Variants in GPR39 observed in about 807,000 individuals in gnomAD.
The protein encoded by GPR39 is zinc sensing receptor.
GPR39 carries 23 observed loss-of-function variants against 18.4 expected under a neutral mutation model. The ratio of observed to expected loss-of-function variants is 1.25; its 90% confidence interval spans 0.90 to 1.77. The LOEUF (loss-of-function observed/expected upper bound fraction) is 1.77, where lower values mean the gene tolerates loss of function less well. Among genes scored for constraint, GPR39 ranks in the 40% most tolerant of loss-of-function variants. GPR39 has a pLI of 0.00. For synonymous variants in GPR39, 280 were observed against 257.9 expected, an observed-to-expected ratio of 1.09 and a Z score of -0.82; for missense variants, 647 against 602.4, an observed-to-expected ratio of 1.07 and a Z score of -0.78.
rs765352030 is a variant in GPR39 at position 132,645,616 on chromosome 2, G to T, written c.*10G>T. ...GGAGCATGAAGTTTGAATGTCAAGCGAGGGAGCCTTGAGTGGGAACTGGCC... is the reference window on the plus strand; with the variant it reads ...GGAGCATGAAGTTTGAATGTCAAGCTAGGGAGCCTTGAGTGGGAACTGGCC... On this transcript the variant is annotated 3_prime_UTR_variant, in exon 2 of 2. Transcript: ENST00000329321. 4 of 1,604,424 alleles carry T rather than the reference G, an allele frequency of 2.5e-6. No homozygotes were observed. The Admixed American group carries it at 6.8e-5, about 27-fold the overall frequency.
At chr2:132,514,033 G>C (rs1057475734) in intron 1 of GPR39, among the ~76,000 whole-genome samples, 2 of 151,996 alleles carry the variant, frequency 1.3e-5, no homozygotes, top group Non-Finnish European at 2.9e-5. Context: ...TTTTCAAGAT[G>C]GCCTCTGGGG....
chr2:132,524,853 T>G (rs1679481649), intron 1 of GPR39, among the ~76,000 whole-genome samples: 1 of 152,224 alleles, frequency 6.6e-6, no homozygotes, highest in Non-Finnish European at 1.5e-5. Context: ...ATTTTATTAT[T>G]TTCTAGTGAA....
intron 1 of GPR39, among the ~76,000 whole-genome samples, chr2:132,620,505 A>G (rs1191654003): frequency 3.9e-5 from 6 of 152,164 alleles, no homozygotes; most frequent in Non-Finnish European, 8.8e-5. Flanking sequence ...CCTGCCCCAC[A>G]GCCCCTGTGT....
chr2:132,512,319 A>C (rs1317498355), intron 1 of GPR39, among the ~76,000 whole-genome samples: 1 of 152,152 alleles, frequency 6.6e-6, no homozygotes, highest in Non-Finnish European at 1.5e-5. Flanking sequence ...CAGGTCAGTC[A>C]TGGGGAAAGT....
At chr2:132,441,535 T>G (rs1680439263) in intron 1 of GPR39, among the ~76,000 whole-genome samples, 1 of 152,204 alleles carries the variant, frequency 6.6e-6, no homozygotes, top group Non-Finnish European at 1.5e-5. Context: ...AATGAAATGC[T>G]GGGCTTGGTG....
chr2:132,589,084 T>C (rs1030174299), intron 1 of GPR39, among the ~76,000 whole-genome samples: 2 of 152,222 alleles, frequency 1.3e-5, no homozygotes, highest in Admixed American at 6.5e-5. Context: ...TTTGGGGTTG[T>C]GTAAGCCAAA....
chr2:132,492,916 A>G (rs1407663052), intron 1 of GPR39, among the ~76,000 whole-genome samples: 5 of 140,586 alleles, frequency 3.6e-5, no homozygotes, highest in African/African-American at 1.3e-4. Flanking sequence ...TACACCATAT[A>G]CCATATATAT....
chr2:132,612,184 C>T (rs1396390484), intron 1 of GPR39, among the ~76,000 whole-genome samples: 1 of 152,162 alleles, frequency 6.6e-6, no homozygotes, highest in Non-Finnish European at 1.5e-5. Flanking sequence ...TTTCACCTTG[C>T]TCAGCCTTCC....
chr2:132,588,390 A>T (rs911013039), intron 1 of GPR39, among the ~76,000 whole-genome samples: 19 of 152,280 alleles, frequency 1.2e-4, no homozygotes, highest in Middle Eastern at 3.4e-3. Context: ...ACCACTACCA[A>T]TTTATTATGC....
At chr2:132,571,655 T>C (rs898128558) in intron 1 of GPR39, among the ~76,000 whole-genome samples, 2 of 151,972 alleles carry the variant, frequency 1.3e-5, no homozygotes, top group African/African-American at 2.4e-5. Context: ...TACTGAGTGA[T>C]GGTAAGGGGT....
At chr2:132,595,055 A>G (rs1417117848) in intron 1 of GPR39, among the ~76,000 whole-genome samples, 1 of 152,072 alleles carries the variant, frequency 6.6e-6, no homozygotes. Flanking sequence ...CTGGAGTGCA[A>G]TGGTGCAATT....
intron 1 of GPR39, among the ~76,000 whole-genome samples, chr2:132,507,101 T>C (rs1679146897): frequency 6.6e-6 from 1 of 152,096 alleles, no homozygotes; most frequent in African/African-American, 2.4e-5. Flanking sequence ...TCCAATCACC[T>C]CTTAAGGCCC....
At chr2:132,564,423 T>C (rs1488327815) in intron 1 of GPR39, among the ~76,000 whole-genome samples, 2 of 152,226 alleles carry the variant, frequency 1.3e-5, no homozygotes, top group Non-Finnish European at 1.5e-5. Context: ...TCATTTCTTA[T>C]GGCATTTCCC....
chr2:132,429,418 T>C (rs914116998), intron 1 of GPR39, among the ~76,000 whole-genome samples: 9 of 152,230 alleles, frequency 5.9e-5, no homozygotes, highest in Admixed American at 3.9e-4. Flanking sequence ...TTGGCTGCTT[T>C]TTATCTCTGG....
intron 1 of GPR39, among the ~76,000 whole-genome samples, chr2:132,419,618 T>C (rs1005564564): frequency 6.6e-6 from 1 of 152,246 alleles, no homozygotes; most frequent in Non-Finnish European, 1.5e-5. Flanking sequence ...ATGGACATTG[T>C]ATTTGCTTAA....
intron 1 of GPR39, among the ~76,000 whole-genome samples, chr2:132,450,930 T>C (rs1680620430): frequency 6.6e-6 from 1 of 152,210 alleles, no homozygotes; most frequent in Admixed American, 6.5e-5. Flanking sequence ...CCTAATTCTG[T>C]TTGCCTTATG....
chr2:132,532,525 T>A (rs961415088), intron 1 of GPR39, among the ~76,000 whole-genome samples: 6 of 152,100 alleles, frequency 3.9e-5, no homozygotes, highest in African/African-American at 4.8e-5. Flanking sequence ...TACCAAAGCC[T>A]GGCAGAGACA....
At chr2:132,458,452 GTGTGTT>G (rs1411171099) in intron 1 of GPR39, among the ~76,000 whole-genome samples, 4 of 83,856 alleles carry the variant, frequency 4.8e-5, no homozygotes, top group African/African-American at 1.7e-4. Flanking sequence ...CTCTCTCTCG[GTGTGTT>G]TGTGTGTGTG....
rs113874759 is a variant in GPR39 at position 132,636,543 on chromosome 2, G to T, written c.857-8558G>T. On this transcript the variant is annotated intron_variant, in intron 1 of 1. Transcript: ENST00000329321. ...ATCTGAGGGCTGCATGATTTTACCA[G>T]ACTCTAAAGGGAGCTGGGCCAGTGC... is the stretch of plus-strand genomic sequence containing the variant. Among the ~76,000 whole-genome samples the T allele has an allele frequency of 6.6e-3, 1,006 of 152,326 alleles. 9 individuals are homozygous for T. The highest frequency in any genetic ancestry group is 8.2e-3 in the Non-Finnish European group (558 of 68,026).
Sources: allele counts gnomAD v4.1 joint callset (sites outside exome capture counted in the v4.1 genomes callset), GRCh38; gene constraint gnomAD v4.1.1; transcripts MANE v1.5; gene names NCBI Gene and HGNC (gene_info 2026-07-23, HGNC 2026-07-21).